The following CENPC variants were observed in gnomAD, a reference collection of about 807,000 sequenced individuals.
CENPC encodes CENP-C 1.
A neutral mutation model predicts 112.1 loss-of-function variants in CENPC; 63 were observed. The observed-to-expected ratio is 0.56, with a 90% confidence interval of 0.46 to 0.69. CENPC has a LOEUF of 0.69. Ranked by LOEUF, CENPC falls within the 30% of genes least tolerant of loss-of-function variation. The pLI is 0.00. For missense variants in CENPC, 1,000 were observed against 1,103.8 expected (o/e 0.91, Z 1.33); for synonymous variants, 333 against 367.6 (o/e 0.91, Z 1.08).
intron 4 of CENPC, among the ~76,000 whole-genome samples, chr4:67,537,907 G>C (rs1195200355): frequency 6.6e-6 from 1 of 152,122 alleles, no homozygotes; most frequent in Non-Finnish European, 1.5e-5. Context: ...TTTGAGCCCA[G>C]GAAAAGTTCA....
chr4:67,512,063 C>T (rs1335747777), intron 9 of CENPC: 2 of 180,526 alleles, frequency 1.1e-5, no homozygotes, highest in Admixed American at 6.3e-5. Flanking sequence ...TCCTTGGTGG[C>T]AGAACCTCAT....
chr4:67,499,227 G>A (rs187974130), intron 12 of CENPC, among the ~76,000 whole-genome samples: 2 of 152,284 alleles, frequency 1.3e-5, no homozygotes, highest in Admixed American at 1.3e-4. Flanking sequence ...AGCTGTATTA[G>A]CCCTTAACAA....
In CENPC at chr4:67,495,158, C is replaced by A; in HGVS notation, c.2185+1G>T. 1.3e-6 allele frequency: 2 copies of A among 1,517,206 alleles called. No homozygotes were observed. The highest frequency in any genetic ancestry group is 1.8e-6 in the Non-Finnish European group (2 of 1,135,382). The allele number at this position is 1,517,206 out of a possible 1,614,324, so 94.0% of individuals were successfully genotyped here. On this transcript the variant is annotated splice_donor_variant, in intron 13 of 18. Coordinates refer to ENST00000273853, the MANE Select transcript of CENPC (RefSeq NM_001812.4). LOFTEE classifies it high-confidence loss of function. The stretch of plus-strand genomic sequence containing the variant: ...ATATTAAAAAAGAAAAATATTCTTA[C>A]CTAGTTTGTGATGGATTCTGTTCTT...
intron 12 of CENPC, among the ~76,000 whole-genome samples, chr4:67,504,663 G>A (rs912888100): frequency 1.3e-5 from 2 of 151,490 alleles, no homozygotes; most frequent in Non-Finnish European, 3.0e-5. Context: ...CTACTAAAAA[G>A]ACAAAAAAAT....
At position 67,541,001 on chromosome 4, in the gene CENPC, G is replaced by T. The variant is rs1409224977; in HGVS notation, c.115C>A (p.Gln39Lys). ...EQGQNVLEIL[Q>K]DCFEEKSLAN... ...TTACTTTTTTCTTCAAAACAGTCTT[G>T]TAAGATTTCCAGAACATTCTGGCCT... The change falls in exon 3 of 19, where the codon CAA becomes AAA. Residue 39 changes from glutamine (Q) to lysine (K), a missense_variant. By Grantham distance (53) the Gln-to-Lys change is moderately conservative (BLOSUM62 1). Transcript: ENST00000273853. 24 of 1,608,888 alleles carry T rather than the reference G, an allele frequency of 1.5e-5. No homozygotes were observed. Among genetic ancestry groups the T allele is most frequent in the East Asian group, 2.2e-5 (1 of 44,612 alleles).
intron 17 of CENPC, among the ~76,000 whole-genome samples, chr4:67,485,394 A>C (rs939778134): frequency 6.6e-6 from 1 of 152,202 alleles, no homozygotes; most frequent in Admixed American, 6.5e-5. Context: ...AAACAGCATA[A>C]GGCCTTCAAA....
At chr4:67,495,286 C>G (rs1725400929) in intron 12 of CENPC, 74 bp from the exon 13 acceptor site, 2 of 1,308,224 alleles carry the variant, frequency 1.5e-6, no homozygotes, top group Non-Finnish European at 2.1e-6. Context: ...GTTTCCTGGT[C>G]AATTTCAGTA....
chr4:67,539,799 TTAAAA>T, intron 4 of CENPC, 36 bp downstream of exon 4: 1 of 1,091,106 alleles, frequency 9.2e-7, no homozygotes, highest in Non-Finnish European at 1.3e-6. Flanking sequence ...CCTTCATTCA[TTAAAA>T]TATTAAACCT....
chr4:67,469,200 T>A lies in CENPC; in HGVS notation c.*3405A>T, dbSNP rs1044103157. 1 of 152,082 alleles carries A rather than the reference T, an allele frequency of 6.6e-6. No individual in the cohort carries two copies. The highest frequency in any genetic ancestry group is 2.4e-5 in the African/African-American group (1 of 41,388). 9.4% of individuals were successfully genotyped at this position (152,082 alleles called of 1,614,324 possible). On this transcript the variant is annotated 3_prime_UTR_variant, in exon 19 of 19. Coordinates refer to ENST00000273853, the MANE Select transcript of CENPC (RefSeq NM_001812.4). ...TGGAATCCTATCCAACAATAAAAAT[T>A]AGAAAAATCATTAAAAAAACTCTCA...
intron 16 of CENPC, among the ~76,000 whole-genome samples, chr4:67,490,544 TA>T (rs1725212198): frequency 6.6e-6 from 1 of 151,624 alleles, no homozygotes; most frequent in African/African-American, 2.4e-5. Flanking sequence ...TTAGCTGAGA[TA>T]AAAAAAAGAA....
At chr4:67,490,205 G>A (rs1177756104) in intron 16 of CENPC, 84 bp from the exon 17 acceptor site, 1 of 894,552 alleles carries the variant, frequency 1.1e-6, no homozygotes, top group Non-Finnish European at 1.6e-6. Flanking sequence ...ATAATAAAGA[G>A]TCATTTCTGG....
chr4:67,496,209 C>G (rs1478880181), intron 12 of CENPC, among the ~76,000 whole-genome samples: 1 of 152,180 alleles, frequency 6.6e-6, no homozygotes, highest in African/African-American at 2.4e-5. Context: ...GTTCTTCCAG[C>G]TGGGTCCAAA....
chr4:67,537,972 A>G (rs1396417845), intron 4 of CENPC, among the ~76,000 whole-genome samples: 1 of 152,174 alleles, frequency 6.6e-6, no homozygotes, highest in Non-Finnish European at 1.5e-5. Context: ...CTAAAGAGTG[A>G]AACCCTGTCT....
chr4:67,483,728 C>T (rs868447005), intron 17 of CENPC, among the ~76,000 whole-genome samples: 9 of 151,800 alleles, frequency 5.9e-5, no homozygotes, highest in African/African-American at 2.2e-4. Flanking sequence ...TCTTGTGTAG[C>T]CCAAGGCTGA....
chr4:67,538,500 T>C (rs1726789868), intron 4 of CENPC, among the ~76,000 whole-genome samples: 1 of 152,122 alleles, frequency 6.6e-6, no homozygotes, highest in Non-Finnish European at 1.5e-5. Context: ...ACAAATGAGG[T>C]GAACCCTCTG....
At chr4:67,511,620 T>C (rs978954947) in intron 9 of CENPC, among the ~76,000 whole-genome samples, 2 of 152,150 alleles carry the variant, frequency 1.3e-5, no homozygotes, top group African/African-American at 4.8e-5. Flanking sequence ...AAACTGCTTA[T>C]GCAAAAAATA....
chr4:67,513,754 G>C (rs1409608584), intron 8 of CENPC, among the ~76,000 whole-genome samples: 3 of 151,938 alleles, frequency 2.0e-5, no homozygotes, highest in Admixed American at 6.6e-5. Context: ...ACGGTACCCT[G>C]GGATTTTTTT....
At position 67,530,817 on chromosome 4, in the gene CENPC, G is replaced by A; in HGVS notation, c.329C>T (p.Ser110Leu). 1.3e-6 allele frequency: 2 copies of A among 1,551,998 alleles called. No homozygotes were observed. The highest frequency in any genetic ancestry group is 1.8e-6 in the Non-Finnish European group (2 of 1,135,708). ...VVEPSEATNR[S>L]VQAHEVHQKI... ...ATGCCCATGGAGATGGCACCAACCT[G>A]ATCTGTTTGTGGCTTCACTTGGTTC... The change falls in exon 5 of 19, where the codon TCA becomes TTA. Residue 110 changes from serine to leucine, a missense_variant and splice_region_variant. By Grantham distance (145) the Ser-to-Leu change is moderately radical. Transcript: ENST00000273853.
At chr4:67,498,935 T>TA (rs780915814) in intron 12 of CENPC, among the ~76,000 whole-genome samples, 1 of 152,260 alleles carries the variant, frequency 6.6e-6, no homozygotes, top group Non-Finnish European at 1.5e-5. Context: ...GCTACTGCCT[T>TA]ACAAAATTTA....
Sources: allele counts gnomAD v4.1 joint callset (sites outside exome capture counted in the v4.1 genomes callset), GRCh38; gene constraint gnomAD v4.1.1; transcripts MANE v1.5; gene names NCBI Gene and HGNC (gene_info 2026-07-23, HGNC 2026-07-21).